BZW1: variants seen among roughly 807,000 people sequenced by gnomAD.
BZW1 encodes the protein eIF5-mimic protein 2.
BZW1 carries 3 observed loss-of-function variants against 54.1 expected under a neutral mutation model. That is an observed-to-expected ratio of 0.06 (90% CI 0.03 to 0.14). The LOEUF is 0.14. BZW1 is among the 10% of genes least tolerant of loss of function. BZW1 has a pLI of 1.00. For synonymous variants in BZW1, 152 were observed against 162.7 expected, an observed-to-expected ratio of 0.93 and a Z score of 0.50; for missense variants, 206 against 491.7, an observed-to-expected ratio of 0.42 and a Z score of 5.50.
At chr2:200,817,894 A>C in intron 6 of BZW1, 80 bp from the exon 7 acceptor site, 1 of 978,248 alleles carries the variant, frequency 1.0e-6, no homozygotes, top group South Asian at 1.7e-5. Flanking sequence ...TGATTGAACT[A>C]TGAAGGGAAG....
At chr2:200,812,584 G>A (rs2038116320) in intron 1 of BZW1, 16 of 1,401,788 alleles carry the variant, frequency 1.1e-5, no homozygotes, top group Admixed American at 2.9e-5. Flanking sequence ...GGCTCGGGCG[G>A]GAGGCATGGG....
At position 200,815,324 on chromosome 2, in the gene BZW1, G is replaced by A. The variant is rs546040551; in HGVS notation, c.65-17G>A. The A allele has an allele frequency of 6.3e-7, 1 of 1,576,950 alleles. No homozygotes were observed. Among genetic ancestry groups the A allele is most frequent in the Non-Finnish European group, 8.6e-7 (1 of 1,160,886 alleles). The stretch of plus-strand genomic sequence containing the variant: ...AATCTTTTAAAACTAAATGTTTTGG[G>A]TCCCTTGTCCCCCCAGATGAAAAAG... On this transcript the variant is annotated splice_polypyrimidine_tract_variant and intron_variant, in intron 2 of 11. Coordinates refer to ENST00000409600, the MANE Select transcript of BZW1 (RefSeq NM_001207067.2).
At chr2:200,814,334 T>C (rs1422084575) in intron 2 of BZW1, among the ~76,000 whole-genome samples, 2 of 152,176 alleles carry the variant, frequency 1.3e-5, no homozygotes, top group Non-Finnish European at 2.9e-5. Context: ...TGTTGATGGT[T>C]AGGGTACTGG....
At chr2:200,812,646 A>G (rs981969184) in intron 1 of BZW1, 1 of 1,243,228 alleles carries the variant, frequency 8.0e-7, no homozygotes, top group Admixed American at 2.5e-5. Flanking sequence ...GGACTGTGGG[A>G]TATGGGCGAA....
intron 9 of BZW1, 98 bp downstream of exon 9, chr2:200,818,999 G>T (rs1236211251): frequency 7.3e-7 from 1 of 1,371,642 alleles, no homozygotes; most frequent in Non-Finnish European, 9.7e-7. Flanking sequence ...ATCACATCCT[G>T]TGGTTCCTAG....
At position 200,812,471 on chromosome 2, in the gene BZW1, C is replaced by T. The variant is rs1044888973; in HGVS notation, c.-11+481C>T. 99 of 1,333,756 alleles carry T rather than the reference C, an allele frequency of 7.4e-5. No homozygotes were observed. The highest frequency in any genetic ancestry group is 8.5e-5 in the Non-Finnish European group (88 of 1,038,958). 82.6% of individuals were successfully genotyped at this position (1,333,756 alleles called of 1,614,324 possible). ...AGTGACTGTGGTCCGCTCGTTGCGG[C>T]GGCCGCCACCGCAGGCGACAGGGTC... On this transcript the variant is annotated intron_variant, in intron 1 of 11. Coordinates refer to ENST00000409600, the MANE Select transcript of BZW1 (RefSeq NM_001207067.2).
chr2:200,813,644 C>T (rs2038173213), intron 2 of BZW1, among the ~76,000 whole-genome samples: 1 of 152,226 alleles, frequency 6.6e-6, no homozygotes, highest in Admixed American at 6.5e-5. Flanking sequence ...CTAATGTAGT[C>T]ACCCAGATTT....
intron 8 of BZW1, 98 bp downstream of exon 8, chr2:200,818,491 A>G: frequency 7.3e-7 from 1 of 1,368,230 alleles, no homozygotes. Context: ...AGATTGAGTT[A>G]ATAGTAACAG....
At chr2:200,817,439 A>G (rs924191112) in intron 6 of BZW1, among the ~76,000 whole-genome samples, 198 bp downstream of exon 6, 1 of 152,222 alleles carries the variant, frequency 6.6e-6, no homozygotes, top group Non-Finnish European at 1.5e-5. Flanking sequence ...TAGGCATACA[A>G]CAGATACCCA....
At chr2:200,812,354 C>T in intron 1 of BZW1, 2 of 1,277,196 alleles carry the variant, frequency 1.6e-6, no homozygotes, top group Middle Eastern at 5.9e-4. Flanking sequence ...GGGCTGCCAC[C>T]CACCACCGCT....
At chr2:200,817,816 G>C (rs1306091808) in intron 6 of BZW1, among the ~76,000 whole-genome samples, 158 bp from the exon 7 acceptor site, 1 of 152,196 alleles carries the variant, frequency 6.6e-6, no homozygotes, top group Non-Finnish European at 1.5e-5. Context: ...AGGGAGATTG[G>C]AGAAGTGATA....
chr2:200,812,670 G>A (rs1452621961), intron 1 of BZW1: 2 of 1,131,668 alleles, frequency 1.8e-6, no homozygotes, highest in African/African-American at 1.6e-5. Flanking sequence ...GGCTGGGCTG[G>A]CTGTTAGTTT....
At position 200,822,900 on chromosome 2, in the gene BZW1, T is replaced by TCA. The variant is rs1559316287; in HGVS notation, c.*723_*724insAC. On this transcript the variant is annotated 3_prime_UTR_variant, in exon 12 of 12. Coordinates refer to ENST00000409600, the MANE Select transcript of BZW1 (RefSeq NM_001207067.2). ...GTGGGAAGAAGAAAGTTGAGCTTTT[T>TCA]CCCCTTGAGAAACTTCTGCATTTAG... 6.0e-6 allele frequency: 1 copy of TCA among 166,692 alleles called. No individual in the cohort carries two copies. Among genetic ancestry groups the TCA allele is most frequent in the African/African-American group, 2.4e-5 (1 of 41,306 alleles). 10.3% of individuals were successfully genotyped at this position (166,692 alleles called of 1,614,324 possible).
rs1247206276 is a variant in BZW1, at chr2:200,824,249, A to G, written c.*2071A>G. On this transcript the variant is annotated 3_prime_UTR_variant, in exon 12 of 12. Transcript: ENST00000409600. The stretch of plus-strand genomic sequence containing the variant: ...AAAAAGATTGCAGATTCCATTCCAT[A>G]TAAAAAGATTCCATTCTGAATCTTA... 1 of 152,228 alleles carries G rather than the reference A, an allele frequency of 6.6e-6. No homozygotes were observed. The highest frequency in any genetic ancestry group is 1.9e-4 in the East Asian group (1 of 5,208). The allele number at this position is 152,228 out of a possible 1,614,324, so 9.4% of individuals were successfully genotyped here. A position where few individuals can be genotyped will look rare whatever the true frequency, so the allele number is the denominator to read the frequency against.
Position 200,823,850 on chromosome 2 carries a change from CA to C in BZW1, c.*1673del, listed in dbSNP as rs1020964646. The stretch of plus-strand genomic sequence containing the variant: ...ATACTTACACTTAGGCTTTATACAT[CA>C]GTCTTTTTTTTTTTAAATTCCATGT... On this transcript the variant is annotated 3_prime_UTR_variant, in exon 12 of 12. Coordinates refer to ENST00000409600, the MANE Select transcript of BZW1 (RefSeq NM_001207067.2). The C allele has an allele frequency of 1.9e-4, 29 of 152,142 alleles. No individual in the cohort carries two copies. The highest frequency in any genetic ancestry group is 6.1e-4 in the African/African-American group (25 of 41,282). The allele number at this position is 152,142 out of a possible 1,614,324, so 9.4% of individuals were successfully genotyped here.
At position 200,820,805 on chromosome 2, in the gene BZW1, T is replaced by A. The variant is rs561988024; in HGVS notation, c.1106-378T>A. On this transcript the variant is annotated intron_variant, in intron 10 of 11. Transcript: ENST00000409600. ...CTGTTCATCTTACTCCCCCACCCAG[T>A]GTTGACTTTCCGTAGTCCTTCAAGA... Among the ~76,000 whole-genome samples the A allele has an allele frequency of 2.0e-5, 3 of 152,352 alleles. No individual in the cohort carries two copies. In the East Asian group the frequency reaches 5.8e-4, roughly 29 times the overall value.
At chr2:200,812,517 A>T in intron 1 of BZW1, 3 of 1,383,864 alleles carry the variant, frequency 2.2e-6, no homozygotes. Flanking sequence ...GAGCCGCGGG[A>T]CCCTACGGCG....
intron 5 of BZW1, 64 bp downstream of exon 5, chr2:200,816,454 C>A: frequency 8.5e-7 from 1 of 1,178,796 alleles, no homozygotes; most frequent in Non-Finnish European, 1.2e-6. Context: ...AATGTTAAAT[C>A]CTAATTCCGC....
intron 5 of BZW1, among the ~76,000 whole-genome samples, chr2:200,816,675 G>A (rs2038304237): frequency 6.6e-6 from 1 of 152,138 alleles, no homozygotes; most frequent in African/African-American, 2.4e-5. Context: ...GTTTTTAGTA[G>A]AGACAGGGTT....
Sources: allele counts gnomAD v4.1 joint callset (sites outside exome capture counted in the v4.1 genomes callset), GRCh38; gene constraint gnomAD v4.1.1; transcripts MANE v1.5; gene names NCBI Gene and HGNC (gene_info 2026-07-23, HGNC 2026-07-21).